RIMS2: variants seen among roughly 807,000 people sequenced by gnomAD.
RIMS2 encodes the protein regulating synaptic membrane exocytosis protein 2.
Under a neutral mutation model 174.4 loss-of-function variants are expected in RIMS2, and 59 were observed. The ratio of observed to expected loss-of-function variants is 0.34; its 90% CI spans 0.27 to 0.42. The LOEUF (loss-of-function observed/expected upper bound fraction) is 0.42. Ranked by LOEUF, RIMS2 falls within the 10% of genes least tolerant of loss-of-function variation. RIMS2 has a pLI of 1.00. For missense variants in RIMS2, 1,620 were observed against 1,666.3 expected, an observed-to-expected ratio of 0.97 and a Z score of 0.48; for synonymous variants, 606 against 572.5, an observed-to-expected ratio of 1.06 and a Z score of -0.84.
chr8:103,826,798 C>G (rs1249580380), intron 3 of RIMS2, among the ~76,000 whole-genome samples: 3 of 151,474 alleles, frequency 2.0e-5, no homozygotes, highest in African/African-American at 7.3e-5. Context: ...CCTTCTTCCT[C>G]AGCCTCCCAG....
chr8:103,550,946 G>C (rs1022166835), intron 1 of RIMS2, among the ~76,000 whole-genome samples: 2 of 152,120 alleles, frequency 1.3e-5, no homozygotes, highest in Non-Finnish European at 2.9e-5. Context: ...CTGAAATTTA[G>C]GCAATAATTA....
intron 1 of RIMS2, among the ~76,000 whole-genome samples, chr8:103,541,142 C>G (rs754507012): frequency 6.6e-6 from 1 of 152,096 alleles, no homozygotes; most frequent in Non-Finnish European, 1.5e-5. Context: ...TATCCAATTA[C>G]AGGAAGGTCA....
chr8:103,947,765 C>A (rs999952972), intron 14 of RIMS2, among the ~76,000 whole-genome samples: 2 of 152,068 alleles, frequency 1.3e-5, no homozygotes, highest in African/African-American at 4.8e-5. Context: ...ACATCGAACA[C>A]TTAGGCTACA....
intron 19 of RIMS2, among the ~76,000 whole-genome samples, chr8:104,196,203 T>TA (rs2099023470): frequency 6.6e-6 from 1 of 152,162 alleles, no homozygotes; most frequent in African/African-American, 2.4e-5. Context: ...TCCAAAGTCT[T>TA]ATAATGAATT....
At chr8:103,974,613 G>T (rs1031878970) in intron 15 of RIMS2, among the ~76,000 whole-genome samples, 1 of 152,070 alleles carries the variant, frequency 6.6e-6, no homozygotes, top group Non-Finnish European at 1.5e-5. Context: ...TACTCTTTTA[G>T]ATAGTATCTC....
intron 1 of RIMS2, among the ~76,000 whole-genome samples, chr8:103,630,662 A>AC (rs2095894822): frequency 6.6e-6 from 1 of 151,736 alleles, no homozygotes; most frequent in Non-Finnish European, 1.5e-5. Context: ...ATGATAAGTC[A>AC]CACACACACA....
chr8:104,095,880 T>G (rs1281559310), intron 19 of RIMS2, among the ~76,000 whole-genome samples: 1 of 152,146 alleles, frequency 6.6e-6, no homozygotes, highest in Non-Finnish European at 1.5e-5. Context: ...GAGTATACAA[T>G]TCAGTGATTT....
In RIMS2 at chr8:103,886,162, C is replaced by T. The variant is rs1417512118; in HGVS notation, c.1563C>T (p.Ser521=). 2.5e-6 allele frequency: 4 copies of T among 1,612,548 alleles called. No individual in the cohort carries two copies. In the Admixed American group the frequency reaches 5.0e-5, roughly 20 times the overall value. ...GCAGTTCAGAGGAGGAATTGGCTTC[C>T]ACGCCTGAATATACAAGTTGTGATG... The change falls in exon 4 of 24, where the codon TCC becomes TCT. Residue 521 remains serine, a synonymous_variant. Coordinates refer to ENST00000504942, the Ensembl canonical transcript of RIMS2.
intron 1 of RIMS2, among the ~76,000 whole-genome samples, chr8:103,685,735 A>G (rs2096933423): frequency 6.6e-6 from 1 of 152,182 alleles, no homozygotes; most frequent in Non-Finnish European, 1.5e-5. Flanking sequence ...TACAGCTTTT[A>G]TAGTAAGTCT....
At chr8:104,009,367 C>T (rs2095685789) in intron 17 of RIMS2, among the ~76,000 whole-genome samples, 1 of 151,866 alleles carries the variant, frequency 6.6e-6, no homozygotes, top group African/African-American at 2.4e-5. Flanking sequence ...GATCACAGCT[C>T]ACTGCAGCCT....
intron 19 of RIMS2, among the ~76,000 whole-genome samples, chr8:104,038,244 A>T (rs571862835): frequency 6.6e-6 from 1 of 151,980 alleles, no homozygotes; most frequent in East Asian, 1.9e-4. Flanking sequence ...CTTTTATTTC[A>T]TTGTAATTTG....
chr8:103,773,478 C>T (rs765515322), intron 3 of RIMS2, among the ~76,000 whole-genome samples: 2 of 152,166 alleles, frequency 1.3e-5, no homozygotes, highest in Non-Finnish European at 2.9e-5. Context: ...GCCTGTAATC[C>T]CAGCACTTTG....
chr8:104,100,991 GTATATGT>G (rs1169168296), intron 19 of RIMS2, among the ~76,000 whole-genome samples: 61 of 127,282 alleles, frequency 4.8e-4, no homozygotes, highest in African/African-American at 1.5e-3. Flanking sequence ...ATATTATATA[GTATATGT>G]TATATATGAT....
At chr8:103,986,198 ATG>A (rs1430737071) in intron 16 of RIMS2, among the ~76,000 whole-genome samples, 1 of 152,204 alleles carries the variant, frequency 6.6e-6, no homozygotes, top group East Asian at 1.9e-4. Context: ...TACCATAAAT[ATG>A]TGCAATGTTT....
At chr8:103,821,430 A>G (rs1299863806) in intron 3 of RIMS2, among the ~76,000 whole-genome samples, 1 of 151,636 alleles carries the variant, frequency 6.6e-6, no homozygotes, top group African/African-American at 2.4e-5. Context: ...GCTTTAGGGG[A>G]AAAAAATCTC....
chr8:103,580,285 A>G (rs1217136896), intron 1 of RIMS2, among the ~76,000 whole-genome samples: 3 of 152,072 alleles, frequency 2.0e-5, no homozygotes, highest in African/African-American at 7.2e-5. Flanking sequence ...GTTTCTTACC[A>G]AAAACCCACC....
exon 13 of RIMS2, chr8:103,936,610 A>G: frequency 1.2e-6 from 2 of 1,609,784 alleles, no homozygotes; most frequent in African/African-American, 1.3e-5. Context: ...AAATGGAACC[A>G]AACATTCATT....
intron 2 of RIMS2, among the ~76,000 whole-genome samples, chr8:103,740,248 G>A (rs915137926): frequency 3.3e-5 from 5 of 152,198 alleles, no homozygotes; most frequent in Non-Finnish European, 5.9e-5. Context: ...AAGTGGGAAC[G>A]TGAAATGTAT....
At position 104,072,578 on chromosome 8, in the gene RIMS2, T is replaced by C. The variant is rs138003426; in HGVS notation, c.3334+57963T>C. Among the ~76,000 whole-genome samples, 639 of 152,302 alleles carry C rather than the reference T, an allele frequency of 4.2e-3. 6 individuals are homozygous for C. The highest frequency in any genetic ancestry group is 0.015 in the African/African-American group (616 of 41,566). ...AGCCTCAGACATATGAAGCATATGC[T>C]GTCTCCTGAGCTGTATTCCTGAAAT... On this transcript the variant is annotated intron_variant, in intron 19 of 23. Transcript: ENST00000504942.
Sources: allele counts gnomAD v4.1 joint callset (sites outside exome capture counted in the v4.1 genomes callset), GRCh38; gene constraint gnomAD v4.1.1; transcripts MANE v1.5; gene names NCBI Gene and HGNC (gene_info 2026-07-23, HGNC 2026-07-21).